The following NUDCD3 variants were observed in gnomAD, a reference collection of about 807,000 sequenced individuals.
NUDCD3 encodes the protein NudC domain containing 3.
NUDCD3 carries 13 observed loss-of-function variants against 39.7 expected under a neutral mutation model. The observed-to-expected ratio is 0.33, with a 90% confidence interval of 0.21 to 0.52. The LOEUF (loss-of-function observed/expected upper bound fraction) is 0.52. NUDCD3 is among the 20% of genes least tolerant of loss of function. NUDCD3 has a pLI of 0.96. For synonymous variants in NUDCD3, 175 were observed against 172.4 expected (o/e 1.02, Z -0.12); for missense variants, 453 against 458.1 (o/e 0.99, Z 0.10).
chr7:44,416,234 C>A (rs571066199), intron 3 of NUDCD3, among the ~76,000 whole-genome samples: 2 of 152,202 alleles, frequency 1.3e-5, no homozygotes, highest in African/African-American at 4.8e-5. Context: ...CAGCAGCGTG[C>A]CACCATCCCC....
intron 5 of NUDCD3, among the ~76,000 whole-genome samples, chr7:44,387,531 C>G (rs1798421316): frequency 6.6e-6 from 1 of 152,210 alleles, no homozygotes. Context: ...CCCCTCTGCA[C>G]AGCCTCAACA....
intron 2 of NUDCD3, among the ~76,000 whole-genome samples, chr7:44,478,410 A>G (rs908126261): frequency 6.6e-6 from 1 of 152,164 alleles, no homozygotes; most frequent in African/African-American, 2.4e-5. Flanking sequence ...AAAATTAGCC[A>G]GGCATGGTGG....
At chr7:44,415,707 G>A (rs1563170051) in intron 3 of NUDCD3, among the ~76,000 whole-genome samples, 2 of 152,178 alleles carry the variant, frequency 1.3e-5, no homozygotes, top group African/African-American at 2.4e-5. Flanking sequence ...GAGAGTAGAG[G>A]ATCTGGCTCT....
chr7:44,396,943 A>C (rs1269165671), intron 4 of NUDCD3, among the ~76,000 whole-genome samples: 1 of 150,994 alleles, frequency 6.6e-6, no homozygotes, highest in Non-Finnish European at 1.5e-5. Flanking sequence ...ATGGTTTTAC[A>C]TTTGTTTTTG....
Position 44,382,328 on chromosome 7 carries a change from T to G in NUDCD3, c.*3683A>C, listed in dbSNP as rs982961771. The G allele has an allele frequency of 1.3e-5, 2 of 151,556 alleles. No homozygotes were observed. The highest frequency in any genetic ancestry group is 2.9e-5 in the Non-Finnish European group (2 of 67,896). The allele number at this position is 151,556 out of a possible 1,614,324, so 9.4% of individuals were successfully genotyped here. A position where few individuals can be genotyped will look rare whatever the true frequency, so the allele number is the denominator to read the frequency against. ...CATGTAACAACCCTTGAACCTAAAG[T>G]TGGAAAGAAAAAAAAAGGTAAAATT... is the stretch of plus-strand genomic sequence containing the variant. On this transcript the variant is annotated 3_prime_UTR_variant, in exon 6 of 6. Coordinates refer to ENST00000355451, the MANE Select transcript of NUDCD3 (RefSeq NM_015332.4).
intron 2 of NUDCD3, among the ~76,000 whole-genome samples, chr7:44,454,043 A>C (rs1297197732): frequency 2.0e-5 from 3 of 151,872 alleles, no homozygotes; most frequent in Non-Finnish European, 4.4e-5. Flanking sequence ...GCCTTGTTTC[A>C]AAAAAAATAA....
chr7:44,483,605 C>G (rs1800539870), intron 2 of NUDCD3, among the ~76,000 whole-genome samples: 1 of 152,164 alleles, frequency 6.6e-6, no homozygotes, highest in African/African-American at 2.4e-5. Context: ...CTTGGTTCTG[C>G]CATCAAACAA....
intron 2 of NUDCD3, among the ~76,000 whole-genome samples, chr7:44,449,852 TAA>T (rs58410314): frequency 1.3e-3 from 130 of 100,862 alleles, no homozygotes; most frequent in African/African-American, 3.7e-3. Flanking sequence ...ACATGATCCA[TAA>T]AAAAAAAAAA....
chr7:44,405,845 G>A (rs1404215408), intron 3 of NUDCD3, among the ~76,000 whole-genome samples: 1 of 152,202 alleles, frequency 6.6e-6, no homozygotes, highest in East Asian at 1.9e-4. Flanking sequence ...TGCCCAGGCT[G>A]GAGTGCAGTG....
intron 2 of NUDCD3, among the ~76,000 whole-genome samples, chr7:44,430,547 A>ACCC (rs1799337549): frequency 6.8e-6 from 1 of 146,160 alleles, no homozygotes; most frequent in Non-Finnish European, 1.5e-5. Flanking sequence ...ATATATAAAT[A>ACCC]AAATACCCAC....
At chr7:44,401,444 C>T (rs943249110) in intron 4 of NUDCD3, among the ~76,000 whole-genome samples, 2 of 152,158 alleles carry the variant, frequency 1.3e-5, no homozygotes, top group Non-Finnish European at 2.9e-5. Flanking sequence ...GTAGAGGCTA[C>T]GTGGTCCAGA....
In NUDCD3 at chr7:44,386,114, T is replaced by C. The variant is rs1554486232; in HGVS notation, c.983A>G (p.His328Arg). 1.2e-6 allele frequency: 2 copies of C among 1,614,170 alleles called. No homozygotes were observed. The highest frequency in any genetic ancestry group is 4.5e-5 in the East Asian group (2 of 44,886). Residue 328 changes from histidine to arginine, a missense_variant, in exon 6 of 6, where the codon CAT becomes CGT. Transcript: ENST00000355451. ...GKPQSHELKVHEMLKKGWDAE... is the reference protein window; with the variant it reads ...GKPQSHELKVREMLKKGWDAE... Reference sequence around the variant, plus strand: ...ATCCCACCCCTTCTTCAGCATCTCATGGACTTTCTACAAACAGAAAATAGA... The same window carrying C: ...ATCCCACCCCTTCTTCAGCATCTCACGGACTTTCTACAAACAGAAAATAGA...
At chr7:44,429,360 A>T (rs539888508) in intron 2 of NUDCD3, among the ~76,000 whole-genome samples, 7 of 152,006 alleles carry the variant, frequency 4.6e-5, no homozygotes, top group Non-Finnish European at 8.8e-5. Flanking sequence ...TAAAAGGGGG[A>T]CTTTGGAGAG....
intron 5 of NUDCD3, among the ~76,000 whole-genome samples, chr7:44,387,804 G>T (rs138509573): frequency 6.6e-6 from 1 of 152,324 alleles, no homozygotes; most frequent in East Asian, 1.9e-4. Context: ...CAAAAGTGGA[G>T]AGCAGGCATT....
chr7:44,473,149 C>T (rs913784834), intron 2 of NUDCD3, among the ~76,000 whole-genome samples: 1 of 152,164 alleles, frequency 6.6e-6, no homozygotes, highest in East Asian at 1.9e-4. Context: ...ATCTTGGCCA[C>T]ACATCAGAGT....
At chr7:44,430,926 C>T (rs1315243838) in intron 2 of NUDCD3, among the ~76,000 whole-genome samples, 1 of 152,138 alleles carries the variant, frequency 6.6e-6, no homozygotes, top group Non-Finnish European at 1.5e-5. Flanking sequence ...ACAGAACCTG[C>T]CTAACCCCAT....
intron 3 of NUDCD3, among the ~76,000 whole-genome samples, chr7:44,412,941 A>C (rs935809601): frequency 6.9e-6 from 1 of 145,248 alleles, no homozygotes; most frequent in Non-Finnish European, 1.5e-5. Context: ...AAAAAAAAAA[A>C]AGAAAAAAAA....
At chr7:44,394,473 T>C (rs926857026) in intron 4 of NUDCD3, among the ~76,000 whole-genome samples, 1 of 152,190 alleles carries the variant, frequency 6.6e-6, no homozygotes, top group Admixed American at 6.5e-5. Flanking sequence ...GGGAAATGCA[T>C]TGTTTTCTCT....
At chr7:44,422,410 GAAGAT>G (rs535348533) in intron 3 of NUDCD3, among the ~76,000 whole-genome samples, 136 of 151,816 alleles carry the variant, frequency 9.0e-4, no homozygotes, top group African/African-American at 3.0e-3. Flanking sequence ...AAAGAAGAAA[GAAGAT>G]AAGAATCAAA....
Sources: allele counts gnomAD v4.1 joint callset (sites outside exome capture counted in the v4.1 genomes callset), GRCh38; gene constraint gnomAD v4.1.1; transcripts MANE v1.5; gene names NCBI Gene and HGNC (gene_info 2026-07-23, HGNC 2026-07-21).